The following XKR6 variants were observed in gnomAD, a reference collection of about 807,000 sequenced individuals.
XKR6 encodes XK related 6, also known as XK-related protein 6.
Under a neutral mutation model 56.7 loss-of-function variants are expected in XKR6, and 22 were observed. That is an observed-to-expected ratio of 0.39 (90% CI 0.28 to 0.55). The LOEUF (loss-of-function observed/expected upper bound fraction) is 0.55. XKR6 is among the 20% of genes least tolerant of loss of function. The pLI, the probability that XKR6 is intolerant of heterozygous loss-of-function variation, is 0.66. For synonymous variants in XKR6, 524 were observed against 387.8 expected (o/e 1.35, Z -4.13); for missense variants, 852 against 889.0 (o/e 0.96, Z 0.53).
intron 2 of XKR6, among the ~76,000 whole-genome samples, chr8:10,910,795 T>C (rs1464475453): frequency 6.6e-6 from 1 of 152,206 alleles, no homozygotes; most frequent in Non-Finnish European, 1.5e-5. Flanking sequence ...AAATACCAGC[T>C]TCACAGCCAG....
rs897190577 is a variant in XKR6, at chr8:10,926,318, C to T, written c.765-1488G>A. 4.6e-5 allele frequency among the ~76,000 whole-genome samples: 7 copies of T among 152,340 alleles called. No homozygotes were observed. In the East Asian group the frequency reaches 5.8e-4, roughly 13 times the overall value. On this transcript the variant is annotated intron_variant, in intron 1 of 2. Coordinates refer to ENST00000416569, the MANE Select transcript of XKR6 (RefSeq NM_173683.4). Reference sequence around the variant, plus strand: ...TTACCCCAGAACAACCCATTCTTCACGCCGCTACTAAGCCACAAGGGTGAC... The same window carrying T: ...TTACCCCAGAACAACCCATTCTTCATGCCGCTACTAAGCCACAAGGGTGAC...
At chr8:11,109,261 G>C (rs1167142562) in intron 1 of XKR6, 1 of 152,168 alleles carries the variant, frequency 6.6e-6, no homozygotes, top group Non-Finnish European at 1.5e-5. Context: ...CTGTATTCAT[G>C]CCATCATCTC....
chr8:10,973,207 G>A (rs1802458647), intron 1 of XKR6, among the ~76,000 whole-genome samples: 2 of 152,184 alleles, frequency 1.3e-5, no homozygotes, highest in African/African-American at 4.8e-5. Context: ...GTTATGAGCT[G>A]AGAATTTAAA....
At chr8:10,977,928 G>T (rs950808363) in intron 1 of XKR6, among the ~76,000 whole-genome samples, 1 of 152,040 alleles carries the variant, frequency 6.6e-6, no homozygotes, top group African/African-American at 2.4e-5. Context: ...TGATACAGGC[G>T]ATGACTCCAG....
intron 1 of XKR6, among the ~76,000 whole-genome samples, chr8:11,031,190 A>T (rs1025865389): frequency 6.6e-6 from 1 of 152,188 alleles, no homozygotes; most frequent in Non-Finnish European, 1.5e-5. Flanking sequence ...GTATTGGGAG[A>T]GAAAATGCTT....
intron 1 of XKR6, among the ~76,000 whole-genome samples, chr8:10,989,906 GCT>G (rs1206202643): frequency 5.9e-5 from 9 of 152,194 alleles, no homozygotes; most frequent in Non-Finnish European, 7.3e-5. Flanking sequence ...TTTTGACTGA[GCT>G]CTGTTTGCCA....
chr8:11,029,987 C>T (rs1462193627), intron 1 of XKR6, among the ~76,000 whole-genome samples: 2 of 152,124 alleles, frequency 1.3e-5, no homozygotes, highest in African/African-American at 4.8e-5. Context: ...AAATCTGCAA[C>T]AGCAATACCA....
At chr8:11,167,994 C>G (rs921780502) in intron 1 of XKR6, among the ~76,000 whole-genome samples, 1 of 151,112 alleles carries the variant, frequency 6.6e-6, no homozygotes, top group African/African-American at 2.4e-5. Flanking sequence ...AATATAATCC[C>G]TACAAAAATA....
chr8:11,148,092 C>T (rs998680002), intron 1 of XKR6, among the ~76,000 whole-genome samples: 2 of 152,056 alleles, frequency 1.3e-5, no homozygotes, highest in Admixed American at 6.6e-5. Context: ...CACCTGTAGT[C>T]CCAGCTACTT....
At chr8:11,090,714 C>T (rs116243652) in intron 1 of XKR6, among the ~76,000 whole-genome samples, 1 of 152,196 alleles carries the variant, frequency 6.6e-6, no homozygotes, top group South Asian at 2.1e-4. Flanking sequence ...TTTTTGCCCA[C>T]TTTTATAAAT....
rs1056009623 is a variant in XKR6, at chr8:10,936,196, T to C, written c.765-11366A>G. On this transcript the variant is annotated intron_variant, in intron 1 of 2. Transcript: ENST00000416569. ...TTTTGATCTTTGTTGGTTTAAAGTC[T>C]GTTTTATCAGAGAGTAGGATTGCAA... Among the ~76,000 whole-genome samples, 39 of 150,814 alleles carry C rather than the reference T, an allele frequency of 2.6e-4. No individual in the cohort carries two copies. In the Middle Eastern group the frequency reaches 0.01, roughly 40 times the overall value.
chr8:10,974,841 G>C (rs1383383688), intron 1 of XKR6, among the ~76,000 whole-genome samples: 1 of 152,224 alleles, frequency 6.6e-6, no homozygotes, highest in African/African-American at 2.4e-5. Flanking sequence ...GTGTTCAGCA[G>C]GTGCAGATTT....
At chr8:10,998,096 C>G (rs77456496) in intron 1 of XKR6, among the ~76,000 whole-genome samples, 2,245 of 152,204 alleles carry the variant, frequency 0.015, 60 homozygotes, top group African/African-American at 0.052. Context: ...CCAGCTCACC[C>G]CAGAGAGGGT....
chr8:11,157,778 G>C (rs1237041868), intron 1 of XKR6, among the ~76,000 whole-genome samples: 1 of 152,174 alleles, frequency 6.6e-6, no homozygotes, highest in Non-Finnish European at 1.5e-5. Flanking sequence ...GCCTCCGAAA[G>C]TGCTGGGATT....
chr8:10,954,334 G>A (rs1037101654), intron 1 of XKR6, among the ~76,000 whole-genome samples: 1 of 152,140 alleles, frequency 6.6e-6, no homozygotes, highest in Non-Finnish European at 1.5e-5. Context: ...ACTTGTTATT[G>A]TCTTTTTGTT....
At position 10,897,374 on chromosome 8, in the gene XKR6, A is replaced by G. The variant is rs143848510; in HGVS notation, c.*578T>C. Reference sequence around the variant, plus strand: ...GTTGGTTGGTTTTTGTTTCACTTTTAGATTTGTTTCATTTAATTGTTTAAT... The same window carrying G: ...GTTGGTTGGTTTTTGTTTCACTTTTGGATTTGTTTCATTTAATTGTTTAAT... On this transcript the variant is annotated 3_prime_UTR_variant, in exon 3 of 3. Coordinates refer to ENST00000416569, the MANE Select transcript of XKR6 (RefSeq NM_173683.4). 6 of 152,746 alleles carry G rather than the reference A, an allele frequency of 3.9e-5. No individual in the cohort carries two copies. In the East Asian group the frequency reaches 7.7e-4, roughly 20 times the overall value. 9.5% of individuals were successfully genotyped at this position (152,746 alleles called of 1,614,324 possible). A position where few individuals can be genotyped will look rare whatever the true frequency, so the allele number is the denominator to read the frequency against.
chr8:11,146,313 C>A (rs1283291128), intron 1 of XKR6, among the ~76,000 whole-genome samples: 1 of 152,054 alleles, frequency 6.6e-6, no homozygotes, highest in Non-Finnish European at 1.5e-5. Flanking sequence ...AAATATGATA[C>A]CAAAAAGCAC....
At chr8:11,152,381 G>A (rs1376209048) in intron 1 of XKR6, among the ~76,000 whole-genome samples, 1 of 151,108 alleles carries the variant, frequency 6.6e-6, no homozygotes, top group Non-Finnish European at 1.5e-5. Flanking sequence ...AAGGTTGAAC[G>A]CATTTTTAAA....
intron 1 of XKR6, among the ~76,000 whole-genome samples, chr8:10,942,942 C>G (rs1314704764): frequency 1.3e-5 from 2 of 152,246 alleles, no homozygotes; most frequent in Non-Finnish European, 2.9e-5. Context: ...CTGACCACAT[C>G]CCAGGGCTGC....
Sources: gnomAD v4.1 joint callset for allele counts (sites outside exome capture counted in the v4.1 genomes callset) on GRCh38, gnomAD v4.1.1 for gene constraint, MANE v1.5 for transcripts, NCBI Gene and HGNC (gene_info 2026-07-23, HGNC 2026-07-21) for gene names.